Variants in SMG1 observed in about 807,000 individuals in gnomAD.
SMG1 encodes the protein SMG1 nonsense mediated mRNA decay associated PI3K related kinase.
In SMG1, 22 loss-of-function variants were observed where a neutral mutation model predicts 419.9. That is an observed-to-expected ratio of 0.05 (90% confidence interval 0.04 to 0.07). SMG1 has a LOEUF of 0.07. SMG1 is among the 10% of genes least tolerant of loss of function. The pLI, the probability that SMG1 is intolerant of heterozygous loss-of-function variation, is 1.00. For missense variants in SMG1, 3,185 were observed against 4,342.0 expected (o/e 0.73, Z 7.49); for synonymous variants, 1,538 against 1,553.5 (o/e 0.99, Z 0.23).
chr16:18,842,491 C>T (rs761287959), intron 39 of SMG1, 37 bp from the exon 40 acceptor site: 6 of 1,584,816 alleles, frequency 3.8e-6, no homozygotes, highest in Middle Eastern at 1.7e-4. Context: ...ATTTACATTA[C>T]ATTAGAACAC....
intron 1 of SMG1, 41 bp from the exon 2 acceptor site, chr16:18,896,997 CATAA>C (rs1223431341): frequency 6.7e-6 from 9 of 1,351,232 alleles, no homozygotes; most frequent in South Asian, 1.4e-5. Context: ...CTTTAAATAA[CATAA>C]ATAAATATTT....
In SMG1 at chr16:18,811,941, T is replaced by C; in HGVS notation, c.10801+7A>G. 1 of 1,613,158 alleles carries C rather than the reference T, an allele frequency of 6.2e-7. No individual in the cohort carries two copies. Among genetic ancestry groups the C allele is most frequent in the Non-Finnish European group, 8.5e-7 (1 of 1,179,618 alleles). On this transcript the variant is annotated splice_region_variant and intron_variant, in intron 61 of 62. Coordinates refer to ENST00000446231, the MANE Select transcript of SMG1 (RefSeq NM_015092.5). ...AAATTTAAGGCATCTTTATTCTAAC[T>C]AATTACCTTTCCCAGTTTTAGGGTC...
At chr16:18,883,985 G>T in intron 9 of SMG1, 85 bp downstream of exon 9, 1 of 527,624 alleles carries the variant, frequency 1.9e-6, no homozygotes, top group Non-Finnish European at 3.4e-6. Flanking sequence ...ATGTCAGGAG[G>T]TCTGAGCCAT....
intron 60 of SMG1, among the ~76,000 whole-genome samples, chr16:18,814,139 ATTAT>A (rs1268133343): frequency 3.4e-5 from 5 of 148,732 alleles, no homozygotes; most frequent in Non-Finnish European, 7.4e-5. Context: ...TTTTAAAAAG[ATTAT>A]TTAATGACTG....
rs1252670764 is a variant in SMG1, at chr16:18,895,076, CA to C, written c.412+975del. Among the ~76,000 whole-genome samples the C allele has an allele frequency of 5.9e-5, 9 of 152,260 alleles. No homozygotes were observed. In the East Asian group the frequency reaches 1.7e-3, roughly 29 times the overall value. On this transcript the variant is annotated intron_variant, in intron 3 of 62. Coordinates refer to ENST00000446231, the MANE Select transcript of SMG1 (RefSeq NM_015092.5). ...TCGTGATCCGCCCGTCTCAGCCTCC[CA>C]AAGTGCTGGGATTACAGGCAGGAGC...
intron 62 of SMG1, among the ~76,000 whole-genome samples, chr16:18,810,279 C>T (rs1349487634): frequency 6.6e-6 from 1 of 152,128 alleles, no homozygotes; most frequent in African/African-American, 2.4e-5. Flanking sequence ...AGAAACATCA[C>T]TGATGTTGCA....
chr16:18,919,645 T>A, intron 1 of SMG1, among the ~76,000 whole-genome samples: 1 of 100,922 alleles, frequency 9.9e-6, no homozygotes, highest in Non-Finnish European at 1.9e-5. Context: ...TGTGTGTGTG[T>A]GTGTGTATAT....
rs558885124 is a variant in SMG1, at chr16:18,884,177, G to A, written c.1022-10C>T. On this transcript the variant is annotated splice_polypyrimidine_tract_variant and intron_variant, in intron 8 of 62. Transcript: ENST00000446231. ...AAACTCTGCAACCACCCTTGGAATC[G>A]TATAAGAAATTGTGAAAGGGTAGGG... 1.0e-4 allele frequency: 148 copies of A among 1,427,694 alleles called. No individual in the cohort carries two copies. The South Asian group carries it at 1.2e-3, about 12-fold the overall frequency. 88.4% of individuals were successfully genotyped at this position (1,427,694 alleles called of 1,614,324 possible).
At chr16:18,811,191 G>A (rs1323394334) in intron 62 of SMG1, among the ~76,000 whole-genome samples, 1 of 152,104 alleles carries the variant, frequency 6.6e-6, no homozygotes, top group Non-Finnish European at 1.5e-5. Context: ...GAACTTGGTG[G>A]TGGGATGCAA....
At chr16:18,900,982 A>G (rs892106310) in intron 1 of SMG1, among the ~76,000 whole-genome samples, 6 of 152,338 alleles carry the variant, frequency 3.9e-5, no homozygotes, top group Non-Finnish European at 7.4e-5. Flanking sequence ...ACTGCTCTAA[A>G]TATGAGTCTA....
At chr16:18,851,141 C>G (rs1488437196) in intron 33 of SMG1, among the ~76,000 whole-genome samples, 1 of 152,266 alleles carries the variant, frequency 6.6e-6, no homozygotes, top group Non-Finnish European at 1.5e-5. Context: ...TCATTCTCTT[C>G]ACAGTACTGT....
At position 18,808,648 on chromosome 16, in the gene SMG1, G is replaced by A. The variant is rs1465058657; in HGVS notation, c.*921C>T. The A allele has an allele frequency of 1.3e-5, 2 of 152,612 alleles. No homozygotes were observed. Among genetic ancestry groups the A allele is most frequent in the African/African-American group, 4.8e-5 (2 of 41,446 alleles). 9.5% of individuals were successfully genotyped at this position (152,612 alleles called of 1,614,324 possible). On this transcript the variant is annotated 3_prime_UTR_variant, in exon 63 of 63. Transcript: ENST00000446231. ...AAAGGGAGTGTACATTAAATCAAAT[G>A]TCTGTTAGATTCATTACTTTTGAAT...
chr16:18,895,240 G>A (rs538450797), intron 3 of SMG1, among the ~76,000 whole-genome samples: 1 of 151,912 alleles, frequency 6.6e-6, no homozygotes, highest in East Asian at 2.0e-4. Context: ...GCTCACGCCT[G>A]TAATGAGCAC....
Position 18,828,106 on chromosome 16 carries a change from C to T in SMG1, c.9666G>A (p.Arg3222=), listed in dbSNP as rs1321075015. Residue 3222 remains arginine, a synonymous_variant, in exon 55 of 63, where the codon CGG becomes CGA. Transcript: ENST00000446231. ...PQAMSVTPPP[R]SAILTSMKKK... ...TTTTCATGCTGGTTAGGATAGCAGACCGTGGGGGAGGTGTGACTGACATGG... is the reference window on the plus strand; with the variant it reads ...TTTTCATGCTGGTTAGGATAGCAGATCGTGGGGGAGGTGTGACTGACATGG... 2 of 1,613,402 alleles carry T rather than the reference C, an allele frequency of 1.2e-6. No homozygotes were observed. Among genetic ancestry groups the T allele is most frequent in the Admixed American group, 1.7e-5 (1 of 59,922 alleles).
At chr16:18,898,319 G>A (rs541077112) in intron 1 of SMG1, among the ~76,000 whole-genome samples, 1 of 152,058 alleles carries the variant, frequency 6.6e-6, no homozygotes, top group Non-Finnish European at 1.5e-5. Context: ...AATGACTAAG[G>A]CTCCATAAGG....
intron 6 of SMG1, among the ~76,000 whole-genome samples, chr16:18,888,478 C>CTT (rs142087294): frequency 1.4e-5 from 2 of 140,224 alleles, no homozygotes; most frequent in African/African-American, 2.7e-5. Context: ...GAAAAAAATC[C>CTT]TTTTTTTTTT....
intron 55 of SMG1, 77 bp downstream of exon 55, chr16:18,827,954 A>C: frequency 6.8e-7 from 1 of 1,480,740 alleles, no homozygotes; most frequent in Non-Finnish European, 9.2e-7. Context: ...CACACTGAAC[A>C]ACAGAGCACT....
At chr16:18,839,628 C>A in intron 42 of SMG1, 70 bp downstream of exon 42, 1 of 1,581,886 alleles carries the variant, frequency 6.3e-7, no homozygotes, top group Non-Finnish European at 8.6e-7. Context: ...GGAGGACAAA[C>A]AAGATAGGCA....
chr16:18,816,574 T>C (rs139998469), intron 57 of SMG1, 45 bp from the exon 58 acceptor site: 3 of 1,507,274 alleles, frequency 2.0e-6, no homozygotes, highest in South Asian at 2.3e-5. Context: ...TCAGCTGAAA[T>C]AATGAGTTCT....
Sources: gnomAD v4.1 joint callset for allele counts (sites outside exome capture counted in the v4.1 genomes callset) on GRCh38, gnomAD v4.1.1 for gene constraint, MANE v1.5 for transcripts, NCBI Gene and HGNC (gene_info 2026-07-23, HGNC 2026-07-21) for gene names.